The following LRMDA variants were observed in gnomAD, a reference collection of about 807,000 sequenced individuals.
The protein encoded by LRMDA is leucine rich melanocyte differentiation associated, also known as leucine-rich melanocyte differentiation-associated protein.
LRMDA carries 18 observed loss-of-function variants against 29.8 expected under a neutral mutation model. That is an observed-to-expected ratio of 0.60 (90% confidence interval 0.42 to 0.90). The LOEUF (loss-of-function observed/expected upper bound fraction) is 0.90. Among genes scored for constraint, LRMDA ranks in the 40% least tolerant of loss-of-function variants. The probability of loss-of-function intolerance (pLI) is 0.00; values close to 1 mark genes in which losing one functional copy is unlikely to be tolerated. For synonymous variants in LRMDA, 125 were observed against 109.4 expected, an observed-to-expected ratio of 1.14 and a Z score of -0.89; for missense variants, 273 against 273.9, an observed-to-expected ratio of 1.00 and a Z score of 0.02.
chr10:75,689,464 A>G (rs1170812287), intron 2 of LRMDA, among the ~76,000 whole-genome samples: 1 of 152,184 alleles, frequency 6.6e-6, no homozygotes, highest in Non-Finnish European at 1.5e-5. Context: ...ATCTACATGC[A>G]TGTGAGTCGT....
At chr10:75,544,168 TG>T (rs1840050883) in intron 2 of LRMDA, among the ~76,000 whole-genome samples, 1 of 152,186 alleles carries the variant, frequency 6.6e-6, no homozygotes, top group South Asian at 2.1e-4. Flanking sequence ...GTTTTGATGG[TG>T]AACCTACGAG....
chr10:76,058,871 G>A, intron 5 of LRMDA, 88 bp downstream of exon 5: 1 of 1,019,772 alleles, frequency 9.8e-7, no homozygotes, highest in African/African-American at 1.6e-5. Context: ...TCCTCTGAGT[G>A]TTTAGAATGC....
chr10:75,905,746 T>C (rs1391805628), intron 2 of LRMDA, among the ~76,000 whole-genome samples: 1 of 152,118 alleles, frequency 6.6e-6, no homozygotes, highest in Non-Finnish European at 1.5e-5. Context: ...TTAACCTGGC[T>C]GATGTATGTC....
chr10:76,107,806 T>C (rs985486282), intron 5 of LRMDA, among the ~76,000 whole-genome samples: 5 of 152,228 alleles, frequency 3.3e-5, no homozygotes, highest in South Asian at 4.1e-4. Context: ...GTGCAGAATG[T>C]GCATGTTTGT....
rs138628190 is a variant in LRMDA, at chr10:76,522,370, A to G, written c.602-34839A>G. Among the ~76,000 whole-genome samples, 667 of 152,306 alleles carry G rather than the reference A, an allele frequency of 4.4e-3. 1 individual carries two copies. Among genetic ancestry groups the G allele is most frequent in the African/African-American group, 0.015 (624 of 41,564 alleles). On this transcript the variant is annotated intron_variant, in intron 6 of 6. Coordinates refer to ENST00000611255, the MANE Select transcript of LRMDA (RefSeq NM_001305581.2). ...ACTATAATTGAAGTACCCTATTGCC[A>G]TGTGTTTTCAGCTACACTTGTTCCC...
intron 5 of LRMDA, among the ~76,000 whole-genome samples, chr10:76,065,875 C>T (rs1848776474): frequency 6.6e-6 from 1 of 152,230 alleles, no homozygotes; most frequent in Admixed American, 6.5e-5. Context: ...CAAGGCCTTA[C>T]ACAGCACCAT....
At chr10:76,432,549 CTA>C (rs1842201990) in intron 6 of LRMDA, among the ~76,000 whole-genome samples, 1 of 152,162 alleles carries the variant, frequency 6.6e-6, no homozygotes, top group South Asian at 2.1e-4. Flanking sequence ...CAGGGTGGAG[CTA>C]ACAGGGCTCC....
chr10:75,976,492 A>G (rs1037240642), intron 2 of LRMDA, among the ~76,000 whole-genome samples: 5 of 152,052 alleles, frequency 3.3e-5, no homozygotes, highest in African/African-American at 1.2e-4. Context: ...TTGTCTGTCT[A>G]CCCCCAGTAG....
intron 4 of LRMDA, among the ~76,000 whole-genome samples, chr10:76,053,240 A>G (rs1401103000): frequency 1.3e-5 from 2 of 152,172 alleles, no homozygotes; most frequent in Non-Finnish European, 2.9e-5. Context: ...TGAACCATCA[A>G]TAGCTCGTGG....
intron 5 of LRMDA, among the ~76,000 whole-genome samples, chr10:76,094,145 A>G (rs4237286): frequency 0.96 from 145,891 of 152,268 alleles, 69,941 homozygotes; most frequent in East Asian, 1. Flanking sequence ...ATGCTGAAAG[A>G]ACCTATAGGT....
At chr10:75,501,886 T>C (rs2132069930) in intron 2 of LRMDA, among the ~76,000 whole-genome samples, 1 of 152,320 alleles carries the variant, frequency 6.6e-6, no homozygotes, top group African/African-American at 2.4e-5. Context: ...CTTGAACTCC[T>C]GGCCTCAAGT....
intron 2 of LRMDA, among the ~76,000 whole-genome samples, chr10:75,791,307 A>G (rs1042476064): frequency 6.6e-6 from 1 of 152,248 alleles, no homozygotes; most frequent in Non-Finnish European, 1.5e-5. Flanking sequence ...TACCATCAAG[A>G]GAATAGAAAC....
At chr10:76,364,672 A>G (rs143424157) in intron 6 of LRMDA, among the ~76,000 whole-genome samples, 37 of 152,184 alleles carry the variant, frequency 2.4e-4, no homozygotes, top group Non-Finnish European at 4.6e-4. Context: ...TAACTTGCTG[A>G]GTAAAGATGC....
chr10:75,589,301 T>C (rs571583428), intron 2 of LRMDA, among the ~76,000 whole-genome samples: 1 of 152,164 alleles, frequency 6.6e-6, no homozygotes. Flanking sequence ...GCCAATATGA[T>C]AGGTAAAAGA....
At chr10:76,442,178 A>G (rs1263010564) in intron 6 of LRMDA, among the ~76,000 whole-genome samples, 1 of 152,198 alleles carries the variant, frequency 6.6e-6, no homozygotes, top group Non-Finnish European at 1.5e-5. Flanking sequence ...GATTATTGCT[A>G]ACCCTTGGTT....
At position 76,539,298 on chromosome 10, in the gene LRMDA, T is replaced by C. The variant is rs149391927; in HGVS notation, c.602-17911T>C. On this transcript the variant is annotated intron_variant, in intron 6 of 6. Transcript: ENST00000611255. ...AGACAGAAAGAGAAGGTCTGTATCATGATGTCCACTATGTGAGGTACTCAC... is the reference window on the plus strand; with the variant it reads ...AGACAGAAAGAGAAGGTCTGTATCACGATGTCCACTATGTGAGGTACTCAC... 4.6e-4 allele frequency among the ~76,000 whole-genome samples: 70 copies of C among 152,300 alleles called. No individual in the cohort carries two copies. In the East Asian group the frequency reaches 6.0e-3, roughly 13 times the overall value.
At chr10:75,544,172 C>A (rs1840050907) in intron 2 of LRMDA, among the ~76,000 whole-genome samples, 1 of 152,016 alleles carries the variant, frequency 6.6e-6, no homozygotes, top group South Asian at 2.1e-4. Context: ...TGATGGTGAA[C>A]CTACGAGAAA....
intron 5 of LRMDA, among the ~76,000 whole-genome samples, chr10:76,262,477 TG>T (rs1399017922): frequency 6.6e-6 from 1 of 152,226 alleles, no homozygotes; most frequent in Non-Finnish European, 1.5e-5. Flanking sequence ...TCCGGCACCG[TG>T]TGAAGTTTAT....
chr10:76,359,261 A>C (rs1406104596), intron 6 of LRMDA, among the ~76,000 whole-genome samples: 1 of 152,186 alleles, frequency 6.6e-6, no homozygotes, highest in Non-Finnish European at 1.5e-5. Context: ...TCATTGAAAA[A>C]ATATTGAGTA....
Sources: allele counts gnomAD v4.1 joint callset (sites outside exome capture counted in the v4.1 genomes callset), GRCh38; gene constraint gnomAD v4.1.1; transcripts MANE v1.5; gene names NCBI Gene and HGNC (gene_info 2026-07-23, HGNC 2026-07-21).